Variants in RASGRP3 observed in about 807,000 individuals in gnomAD.
RASGRP3 encodes the protein RAS guanyl releasing protein 3.
In RASGRP3, 54 loss-of-function variants were observed where a neutral mutation model predicts 82.7. That is an observed-to-expected ratio of 0.65 (90% confidence interval 0.52 to 0.82). The LOEUF (loss-of-function observed/expected upper bound fraction) is 0.82, where lower values mean the gene tolerates loss of function less well. RASGRP3 is among the 40% of genes least tolerant of loss of function. The pLI is 0.00. For synonymous variants in RASGRP3, 309 were observed against 300.5 expected, an observed-to-expected ratio of 1.03 and a Z score of -0.29; for missense variants, 861 against 828.9, an observed-to-expected ratio of 1.04 and a Z score of -0.48.
chr2:33,529,560 C>A (rs1432732903), intron 10 of RASGRP3, among the ~76,000 whole-genome samples: 1 of 148,890 alleles, frequency 6.7e-6, no homozygotes, highest in Non-Finnish European at 1.5e-5. Context: ...AAAAAAATTC[C>A]TTTTTGCTGG....
At chr2:33,462,745 G>A (rs1160613683) in intron 2 of RASGRP3, among the ~76,000 whole-genome samples, 1 of 152,160 alleles carries the variant, frequency 6.6e-6, no homozygotes, top group Non-Finnish European at 1.5e-5. Flanking sequence ...CCCACCTCAT[G>A]CATTAAGCTA....
chr2:33,529,375 G>A (rs1672881143), intron 10 of RASGRP3, among the ~76,000 whole-genome samples: 1 of 151,054 alleles, frequency 6.6e-6, no homozygotes, highest in South Asian at 2.1e-4. Context: ...GGTGCCTGTA[G>A]TCCCAGCTAT....
At chr2:33,521,848 A>T in intron 6 of RASGRP3, 107 bp from the exon 7 acceptor site, 1 of 1,354,582 alleles carries the variant, frequency 7.4e-7, no homozygotes. Flanking sequence ...TGTATTTTGC[A>T]CAAGTCCCTG....
chr2:33,486,017 C>A (rs1668338035), intron 1 of RASGRP3, among the ~76,000 whole-genome samples: 1 of 152,120 alleles, frequency 6.6e-6, no homozygotes, highest in African/African-American at 2.4e-5. Context: ...AAATTTTTCT[C>A]AACCAAAACT....
At chr2:33,531,226 A>C (rs1673080036) in intron 10 of RASGRP3, among the ~76,000 whole-genome samples, 1 of 152,204 alleles carries the variant, frequency 6.6e-6, no homozygotes, top group East Asian at 1.9e-4. Context: ...TAAATGCAAC[A>C]ACTTGAAACA....
intron 1 of RASGRP3, among the ~76,000 whole-genome samples, chr2:33,477,742 G>A (rs1167300385): frequency 1.3e-5 from 2 of 152,206 alleles, no homozygotes; most frequent in Non-Finnish European, 1.5e-5. Context: ...AGAGGGCAGA[G>A]CTCTAAACTG....
At chr2:33,461,167 A>G (rs1474867400) in intron 2 of RASGRP3, among the ~76,000 whole-genome samples, 1 of 152,134 alleles carries the variant, frequency 6.6e-6, no homozygotes, top group Non-Finnish European at 1.5e-5. Context: ...CCCAACCTAA[A>G]CTTATCTATT....
At chr2:33,517,424 C>G (rs770472737) in intron 4 of RASGRP3, among the ~76,000 whole-genome samples, 19 of 152,160 alleles carry the variant, frequency 1.2e-4, no homozygotes, top group Non-Finnish European at 2.1e-4. Flanking sequence ...GAGTGAGAAC[C>G]CCTACAGGGA....
intron 1 of RASGRP3, among the ~76,000 whole-genome samples, chr2:33,492,272 C>T (rs1025676726): frequency 3.3e-5 from 5 of 152,182 alleles, no homozygotes; most frequent in Non-Finnish European, 5.9e-5. Context: ...GGGCAATTGA[C>T]CTTTGTGTGT....
At position 33,524,040 on chromosome 2, in the gene RASGRP3, C is replaced by A; in HGVS notation, c.678C>A (p.Ile226=). 6.2e-7 allele frequency: 1 copy of A among 1,613,834 alleles called. No individual in the cohort carries two copies. Among genetic ancestry groups the A allele is most frequent in the South Asian group, 1.1e-5 (1 of 91,060 alleles). Residue 226 remains isoleucine (I), a synonymous_variant, in exon 8 of 18, where the codon ATC becomes ATA. Coordinates refer to ENST00000403687, the MANE Select transcript of RASGRP3 (RefSeq NM_001139488.2). The part of the protein sequence containing the change: ...QQRAEVITKF[I]NVAKKLLQLK... ...GGGCAGAAGTCATCACAAAGTTTATCAATGTTGCAAAGGTATGTCTGGTAA... is the reference window on the plus strand; with the variant it reads ...GGGCAGAAGTCATCACAAAGTTTATAAATGTTGCAAAGGTATGTCTGGTAA...
At chr2:33,525,655 G>A (rs536247112) in intron 9 of RASGRP3, among the ~76,000 whole-genome samples, 1 of 130,236 alleles carries the variant, frequency 7.7e-6, no homozygotes, top group Non-Finnish European at 1.5e-5. Context: ...TTGAAGCCAG[G>A]AGTTCGACAC....
chr2:33,555,864 C>T (rs114174359), intron 15 of RASGRP3, among the ~76,000 whole-genome samples: 266 of 152,318 alleles, frequency 1.7e-3, no homozygotes, highest in African/African-American at 6.1e-3. Context: ...AGCTAAAATA[C>T]TGAATATAAG....
chr2:33,489,423 A>G (rs1668668291), intron 1 of RASGRP3, among the ~76,000 whole-genome samples: 1 of 152,204 alleles, frequency 6.6e-6, no homozygotes, highest in Non-Finnish European at 1.5e-5. Flanking sequence ...TGAAAAGCCA[A>G]GTTGAATGGT....
At chr2:33,507,211 A>C (rs146013867) in intron 1 of RASGRP3, among the ~76,000 whole-genome samples, 363 of 152,334 alleles carry the variant, frequency 2.4e-3, no homozygotes, top group Non-Finnish European at 4.1e-3. Flanking sequence ...CCTGGCCAAC[A>C]TGGTGAAACC....
rs544480656 is a variant in RASGRP3 at position 33,558,639 on chromosome 2, T to C, written c.1706-33T>C. The C allele has an allele frequency of 1.9e-5, 29 of 1,529,668 alleles. 1 individual carries two copies. The highest frequency in any genetic ancestry group is 1.1e-4 in the Admixed American group (6 of 52,806). 94.8% of individuals were successfully genotyped at this position (1,529,668 alleles called of 1,614,324 possible). A position where few individuals can be genotyped will look rare whatever the true frequency, so the allele number is the denominator to read the frequency against. ...GATGCTTTGCTGTCAAGCAGTCAGA[T>C]GTCAAATAATCACCACCCTTTTTCA... is the stretch of plus-strand genomic sequence containing the variant. On this transcript the variant is annotated intron_variant, in intron 16 of 17. Transcript: ENST00000403687.
At chr2:33,556,498 C>T (rs1023988180) in intron 15 of RASGRP3, among the ~76,000 whole-genome samples, 3 of 148,872 alleles carry the variant, frequency 2.0e-5, no homozygotes, top group Non-Finnish European at 4.4e-5. Flanking sequence ...CCACCCGCCT[C>T]GGCCTCCCAA....
intron 2 of RASGRP3, among the ~76,000 whole-genome samples, chr2:33,468,224 A>C (rs1389246967): frequency 6.6e-6 from 1 of 152,114 alleles, no homozygotes; most frequent in Non-Finnish European, 1.5e-5. Flanking sequence ...AGGAGGAAAT[A>C]TATGTGACCC....
rs183773529 is a variant in RASGRP3, at chr2:33,558,385, C to T, written c.1705+49C>T. 364 of 1,611,006 alleles carry T rather than the reference C, an allele frequency of 2.3e-4. No individual in the cohort carries two copies. In the South Asian group the frequency reaches 3.6e-3, roughly 16 times the overall value. On this transcript the variant is annotated intron_variant, in intron 16 of 17. Coordinates refer to ENST00000403687, the MANE Select transcript of RASGRP3 (RefSeq NM_001139488.2). ...TGCCATGGTCTCTTTCTGCTTGCCT[C>T]CTCACACTTGGACCTCATTTAGGTT...
At chr2:33,472,814 C>T (rs573747009), upstream of RASGRP3, among the ~76,000 whole-genome samples, 7 of 137,660 alleles carry the variant, frequency 5.1e-5, no homozygotes, top group Admixed American at 7.9e-5. Flanking sequence ...AATTGCCGGG[C>T]GCGGTGGGTC....
Sources: allele counts gnomAD v4.1 joint callset (sites outside exome capture counted in the v4.1 genomes callset), GRCh38; gene constraint gnomAD v4.1.1; transcripts MANE v1.5; gene names NCBI Gene and HGNC (gene_info 2026-07-23, HGNC 2026-07-21).